Variants in LRRC4C observed in about 807,000 individuals in gnomAD.
LRRC4C encodes leucine-rich repeat-containing protein 4C.
A neutral mutation model predicts 33.6 loss-of-function variants in LRRC4C; 5 were observed. That is an observed-to-expected ratio of 0.15 (90% confidence interval 0.08 to 0.31). LRRC4C has a LOEUF of 0.31. Among genes scored for constraint, LRRC4C ranks in the 10% least tolerant of loss-of-function variants. The pLI is 1.00. For missense variants in LRRC4C, 560 were observed against 796.7 expected (o/e 0.70, Z 3.58); for synonymous variants, 329 against 302.0 (o/e 1.09, Z -0.93).
At chr11:40,531,763 T>C (rs1006910842) in intron 3 of LRRC4C, among the ~76,000 whole-genome samples, 3 of 151,864 alleles carry the variant, frequency 2.0e-5, no homozygotes, top group South Asian at 2.1e-4. Flanking sequence ...CTGAATCATC[T>C]TGATCAAAGA....
chr11:40,880,688 C>T (rs1030095374), intron 2 of LRRC4C, among the ~76,000 whole-genome samples: 3 of 151,310 alleles, frequency 2.0e-5, no homozygotes, highest in East Asian at 1.9e-4. Flanking sequence ...AATTCTAATA[C>T]CTAATAATTT....
At chr11:40,757,078 T>C in intron 2 of LRRC4C, among the ~76,000 whole-genome samples, 1 of 152,052 alleles carries the variant, frequency 6.6e-6, no homozygotes, top group South Asian at 2.1e-4. Flanking sequence ...GGACTGTTCT[T>C]GAAACCTTTC....
At chr11:40,696,727 C>T (rs1945555658) in intron 2 of LRRC4C, among the ~76,000 whole-genome samples, 1 of 125,314 alleles carries the variant, frequency 8.0e-6, no homozygotes, top group African/African-American at 3.0e-5. Context: ...AAAATTGTCT[C>T]TGTGCATATA....
intron 3 of LRRC4C, among the ~76,000 whole-genome samples, chr11:40,553,444 A>AT (rs1013266616): frequency 1.3e-5 from 2 of 151,654 alleles, no homozygotes; most frequent in Admixed American, 6.6e-5. Flanking sequence ...AGGTAACATA[A>AT]TTTTTTTTTG....
intron 2 of LRRC4C, among the ~76,000 whole-genome samples, chr11:40,694,264 G>A (rs1945375410): frequency 6.6e-6 from 1 of 152,158 alleles, no homozygotes; most frequent in Non-Finnish European, 1.5e-5. Context: ...AACCACTGAG[G>A]AGAAATGAAC....
At chr11:41,037,457 G>A (rs2137916735) in intron 1 of LRRC4C, among the ~76,000 whole-genome samples, 1 of 151,872 alleles carries the variant, frequency 6.6e-6, no homozygotes, top group Middle Eastern at 3.4e-3. Flanking sequence ...CTCCTGCCTT[G>A]GCCTCCCAAA....
At chr11:40,289,377 C>A (rs982837366) in intron 4 of LRRC4C, among the ~76,000 whole-genome samples, 3 of 152,112 alleles carry the variant, frequency 2.0e-5, no homozygotes, top group Non-Finnish European at 4.4e-5. Context: ...ATAGACTAGA[C>A]AATTGAGAGC....
chr11:41,104,591 ACC>A (rs1941386636), intron 1 of LRRC4C, among the ~76,000 whole-genome samples: 5 of 151,958 alleles, frequency 3.3e-5, no homozygotes, highest in Non-Finnish European at 5.9e-5. Context: ...TGAACATATG[ACC>A]CAGCAGTTCT....
intron 1 of LRRC4C, among the ~76,000 whole-genome samples, chr11:40,999,643 A>T (rs1854227635): frequency 6.6e-6 from 1 of 151,980 alleles, no homozygotes; most frequent in South Asian, 2.1e-4. Context: ...GCTACTCTAT[A>T]TTCAGATCAA....
intron 3 of LRRC4C, among the ~76,000 whole-genome samples, chr11:40,644,105 CA>C (rs756848558): frequency 2.0e-5 from 3 of 151,948 alleles, no homozygotes; most frequent in Non-Finnish European, 2.9e-5. Flanking sequence ...AAAATTAATT[CA>C]AAATGGATTA....
At chr11:41,256,726 C>G (rs1220665395) in intron 1 of LRRC4C, among the ~76,000 whole-genome samples, 1 of 151,942 alleles carries the variant, frequency 6.6e-6, no homozygotes, top group Non-Finnish European at 1.5e-5. Flanking sequence ...AGGAAGTGAT[C>G]AAAGTCTGTT....
intron 1 of LRRC4C, among the ~76,000 whole-genome samples, chr11:41,162,468 C>T (rs1447680268): frequency 6.6e-6 from 1 of 152,142 alleles, no homozygotes; most frequent in African/African-American, 2.4e-5. Context: ...AAACTCATTG[C>T]TAGGCGATTT....
At chr11:40,404,424 CA>C (rs1422564665) in intron 3 of LRRC4C, among the ~76,000 whole-genome samples, 2 of 152,096 alleles carry the variant, frequency 1.3e-5, no homozygotes, top group Non-Finnish European at 2.9e-5. Context: ...TGAATGGCAC[CA>C]CCCACCCAGT....
At chr11:40,799,726 C>A (rs1950966714) in intron 2 of LRRC4C, among the ~76,000 whole-genome samples, 1 of 152,204 alleles carries the variant, frequency 6.6e-6, no homozygotes, top group Non-Finnish European at 1.5e-5. Flanking sequence ...GCCTCGGCCT[C>A]CCAAAGTGCT....
chr11:40,815,819 T>G (rs1463047827), intron 2 of LRRC4C, among the ~76,000 whole-genome samples: 2 of 152,214 alleles, frequency 1.3e-5, no homozygotes, highest in Non-Finnish European at 2.9e-5. Flanking sequence ...GAGCTTGTTA[T>G]AAAAGTGACA....
chr11:41,248,463 C>T (rs1159172006), intron 1 of LRRC4C, among the ~76,000 whole-genome samples: 1 of 152,066 alleles, frequency 6.6e-6, no homozygotes, highest in Admixed American at 6.6e-5. Flanking sequence ...TGATTCATCC[C>T]TTATCTTTAG....
rs1426679667 is a variant in LRRC4C at position 41,081,723 on chromosome 11, A to T, written c.-495-148000T>A. Among the ~76,000 whole-genome samples the T allele has an allele frequency of 2.0e-5, 3 of 152,164 alleles. No individual in the cohort carries two copies. The East Asian group carries it at 5.8e-4, about 29-fold the overall frequency. ...AAAAAATATAAATGTTTATACACACACACAGATACACACAGGCACACACAG... is the reference window on the plus strand; with the variant it reads ...AAAAAATATAAATGTTTATACACACTCACAGATACACACAGGCACACACAG... On this transcript the variant is annotated intron_variant, in intron 1 of 6. Transcript: ENST00000528697.
At chr11:40,800,614 G>T (rs543326009) in intron 2 of LRRC4C, among the ~76,000 whole-genome samples, 2 of 152,062 alleles carry the variant, frequency 1.3e-5, no homozygotes, top group African/African-American at 2.4e-5. Context: ...GTATTTTGAA[G>T]GGTTGAGGAA....
At chr11:41,088,967 T>A (rs532500864) in intron 1 of LRRC4C, among the ~76,000 whole-genome samples, 1 of 152,100 alleles carries the variant, frequency 6.6e-6, no homozygotes, top group Non-Finnish European at 1.5e-5. Flanking sequence ...TCCCAAGCTA[T>A]GTTCAATCAG....
Sources: gnomAD v4.1 joint callset for allele counts (sites outside exome capture counted in the v4.1 genomes callset) on GRCh38, gnomAD v4.1.1 for gene constraint, MANE v1.5 for transcripts, NCBI Gene and HGNC (gene_info 2026-07-23, HGNC 2026-07-21) for gene names.